The following SUMF1 variants were observed in gnomAD, a reference collection of about 807,000 sequenced individuals.
SUMF1 encodes sulfatase modifying factor 1.
Under a neutral mutation model 47.6 loss-of-function variants are expected in SUMF1, and 48 were observed. The ratio of observed to expected loss-of-function variants is 1.01; its 90% CI spans 0.80 to 1.28. SUMF1 has a LOEUF of 1.28. Among genes scored for constraint, SUMF1 ranks in the 50% most tolerant of loss-of-function variants. The pLI is 0.00. For missense variants in SUMF1, 571 were observed against 485.4 expected (o/e 1.18, Z -1.66); for synonymous variants, 230 against 192.1 (o/e 1.20, Z -1.63).
intron 3 of SUMF1, among the ~76,000 whole-genome samples, chr3:4,423,515 A>T (rs1701973989): frequency 6.6e-6 from 1 of 152,126 alleles, no homozygotes. Context: ...TCTGGTTACA[A>T]ATGTTTATTG....
intron 8 of SUMF1, among the ~76,000 whole-genome samples, chr3:4,083,370 C>T (rs1357691959): frequency 2.0e-5 from 3 of 152,054 alleles, no homozygotes; most frequent in Non-Finnish European, 2.9e-5. Flanking sequence ...AGCAATCAAA[C>T]CCTGAATCCT....
intron 8 of SUMF1, among the ~76,000 whole-genome samples, chr3:4,167,199 A>C (rs1174855435): frequency 6.6e-6 from 1 of 152,054 alleles, no homozygotes; most frequent in East Asian, 1.9e-4. Context: ...AAGAGTGAGC[A>C]GCCGCAAGAT....
At chr3:4,305,450 G>A (rs1464820127) in intron 8 of SUMF1, among the ~76,000 whole-genome samples, 2 of 152,150 alleles carry the variant, frequency 1.3e-5, no homozygotes, top group East Asian at 3.9e-4. Flanking sequence ...GGAGCAGGTT[G>A]TAAAATGTTT....
chr3:4,035,767 T>G (rs577112528), intron 9 of SUMF1, among the ~76,000 whole-genome samples: 17 of 152,292 alleles, frequency 1.1e-4, no homozygotes, highest in African/African-American at 3.6e-4. Flanking sequence ...AGGGTTGTTG[T>G]GAGGATTCGA....
At chr3:4,282,032 T>A (rs1697539956) in intron 8 of SUMF1, among the ~76,000 whole-genome samples, 1 of 152,214 alleles carries the variant, frequency 6.6e-6, no homozygotes, top group South Asian at 2.1e-4. Context: ...CTTACAACCT[T>A]AATTTTATTT....
intron 8 of SUMF1, among the ~76,000 whole-genome samples, chr3:4,306,197 T>C (rs1017128139): frequency 2.0e-5 from 3 of 152,204 alleles, no homozygotes; most frequent in Non-Finnish European, 2.9e-5. Flanking sequence ...TCTTGAGTCA[T>C]ATTTTTCTTT....
intron 8 of SUMF1, among the ~76,000 whole-genome samples, chr3:4,090,877 G>A (rs1269243569): frequency 1.3e-5 from 2 of 151,942 alleles, no homozygotes; most frequent in Non-Finnish European, 2.9e-5. Flanking sequence ...CGAGGCAGGT[G>A]GATCCCATCC....
chr3:4,282,984 C>T (rs1697559187), intron 8 of SUMF1, among the ~76,000 whole-genome samples: 1 of 152,174 alleles, frequency 6.6e-6, no homozygotes, highest in African/African-American at 2.4e-5. Flanking sequence ...ACTCTGAGAA[C>T]AAAATGAATT....
chr3:4,397,348 C>G (rs1701071631), intron 7 of SUMF1, among the ~76,000 whole-genome samples: 1 of 152,186 alleles, frequency 6.6e-6, no homozygotes, highest in African/African-American at 2.4e-5. Context: ...ACTTATATTG[C>G]TTAGAATAAC....
At chr3:4,321,009 A>G (rs541771276) in intron 8 of SUMF1, among the ~76,000 whole-genome samples, 1 of 152,148 alleles carries the variant, frequency 6.6e-6, no homozygotes, top group Non-Finnish European at 1.5e-5. Flanking sequence ...TATAATTCTG[A>G]TATTAACAAC....
intron 8 of SUMF1, among the ~76,000 whole-genome samples, chr3:4,074,962 GAA>G (rs1559448930): frequency 6.6e-6 from 1 of 152,018 alleles, no homozygotes; most frequent in Admixed American, 6.6e-5. Flanking sequence ...CCAATGAATA[GAA>G]AAAGAGGGAA....
chr3:4,314,387 T>G (rs1698551965), intron 8 of SUMF1: 1 of 152,684 alleles, frequency 6.5e-6, no homozygotes, highest in Non-Finnish European at 1.5e-5. Context: ...AAGCTGACTT[T>G]TTGATTTCTG....
chr3:4,303,222 G>C (rs1575066284), intron 8 of SUMF1: 1 of 795,848 alleles, frequency 1.3e-6, no homozygotes, highest in Non-Finnish European at 1.9e-6. Context: ...GACCCAAAAA[G>C]TCAAGGAAGG....
chr3:4,405,402 T>G (rs1701344081), intron 7 of SUMF1, among the ~76,000 whole-genome samples: 1 of 152,192 alleles, frequency 6.6e-6, no homozygotes, highest in Admixed American at 6.5e-5. Context: ...TGTTTTATTT[T>G]TTGAGACTGG....
At chr3:4,360,998 A>G (rs1471395719), downstream of SUMF1, 1 of 152,232 alleles carries the variant, frequency 6.6e-6, no homozygotes, top group South Asian at 2.1e-4. Context: ...TGGAACAAAA[A>G]TTCCCACAAA....
At chr3:4,112,300 C>A (rs971239732) in intron 8 of SUMF1, among the ~76,000 whole-genome samples, 1 of 152,124 alleles carries the variant, frequency 6.6e-6, no homozygotes, top group Non-Finnish European at 1.5e-5. Context: ...ATGTTTCTTT[C>A]TTTATACACA....
intron 8 of SUMF1, among the ~76,000 whole-genome samples, chr3:4,088,251 A>G (rs2125050840): frequency 6.6e-6 from 1 of 152,196 alleles, no homozygotes; most frequent in Non-Finnish European, 1.5e-5. Flanking sequence ...TACTCAGGTA[A>G]GACCAGTCTG....
At chr3:4,405,945 A>G (rs376407307) in intron 7 of SUMF1, among the ~76,000 whole-genome samples, 12 of 152,198 alleles carry the variant, frequency 7.9e-5, no homozygotes, top group African/African-American at 2.9e-4. Flanking sequence ...TGAGTATGTG[A>G]TAAGCCAACA....
At chr3:4,168,053 G>C (rs1049313133) in intron 8 of SUMF1, among the ~76,000 whole-genome samples, 1 of 151,974 alleles carries the variant, frequency 6.6e-6, no homozygotes, top group Non-Finnish European at 1.5e-5. Flanking sequence ...AACTCCCTTG[G>C]GCACTTGGCA....
Sources: allele counts gnomAD v4.1 joint callset (sites outside exome capture counted in the v4.1 genomes callset), GRCh38; gene constraint gnomAD v4.1.1; transcripts MANE v1.5; gene names NCBI Gene and HGNC (gene_info 2026-07-23, HGNC 2026-07-21).